Variants in PLXNA4 observed in about 807,000 individuals in gnomAD.
PLXNA4 encodes the protein plexin-A4.
PLXNA4 carries 44 observed loss-of-function variants against 191.8 expected under a neutral mutation model. The ratio of observed to expected loss-of-function variants is 0.23; its 90% CI spans 0.18 to 0.29. PLXNA4 has a LOEUF of 0.29. PLXNA4 is among the 10% of genes least tolerant of loss of function. The pLI is 1.00. For synonymous variants in PLXNA4, 1,082 were observed against 1,009.5 expected (o/e 1.07, Z -1.36); for missense variants, 1,800 against 2,488.8 (o/e 0.72, Z 5.89).
intron 3 of PLXNA4, among the ~76,000 whole-genome samples, chr7:132,317,801 G>A (rs1802005393): frequency 6.6e-6 from 1 of 152,196 alleles, no homozygotes; most frequent in Non-Finnish European, 1.5e-5. Flanking sequence ...AACACCAGTT[G>A]TAGGGAGCCT....
chr7:132,145,187 G>T lies in PLXNA4; in HGVS notation c.5157C>A (p.Phe1719Leu). 1.9e-6 allele frequency: 3 copies of T among 1,614,216 alleles called. No individual in the cohort carries two copies. The highest frequency in any genetic ancestry group is 1.7e-6 in the Non-Finnish European group (2 of 1,180,048). ...LPLAIKYMFD[F>L]LDEQADKHGI... ...CATGTTTATCAGCCTGCTCATCCAG[G>T]AAGTCAAACATGTACTTGATGGCCA... Residue 1719 changes from phenylalanine (F) to leucine (L), a missense_variant, in exon 29 of 32, where the codon TTC (phenylalanine) becomes TTA (leucine). By Grantham distance (22) the Phe-to-Leu change is conservative (BLOSUM62 0). Around this residue, in one of 6 missense-constraint regions of PLXNA4, gnomAD observed 101 missense variants for 182.8 expected, o/e 0.55. Transcript: ENST00000321063.
At chr7:132,417,056 C>T (rs1218223893) in intron 3 of PLXNA4, among the ~76,000 whole-genome samples, 2 of 152,178 alleles carry the variant, frequency 1.3e-5, no homozygotes, top group Admixed American at 6.5e-5. Context: ...TGCTGAATGC[C>T]TTCTTGTCTG....
At chr7:132,217,527 G>C (rs1477368793) in intron 9 of PLXNA4, among the ~76,000 whole-genome samples, 7 of 152,088 alleles carry the variant, frequency 4.6e-5, no homozygotes, top group Non-Finnish European at 1.0e-4. Flanking sequence ...TGATTTGCAG[G>C]TCACCTCTCC....
intron 3 of PLXNA4, among the ~76,000 whole-genome samples, chr7:132,381,618 G>A (rs1041994003): frequency 6.6e-6 from 1 of 152,184 alleles, no homozygotes; most frequent in African/African-American, 2.4e-5. Context: ...CATCTGGCAT[G>A]GATATTAATA....
intron 3 of PLXNA4, among the ~76,000 whole-genome samples, chr7:132,407,382 T>C (rs527480690): frequency 1.4e-4 from 22 of 152,312 alleles, no homozygotes; most frequent in African/African-American, 5.3e-4. Flanking sequence ...AAGTTTCTAG[T>C]GTGAGAAGTG....
intron 1 of PLXNA4, among the ~76,000 whole-genome samples, chr7:132,574,208 G>T (rs540887272): frequency 6.6e-6 from 1 of 152,326 alleles, no homozygotes; most frequent in African/African-American, 2.4e-5. Flanking sequence ...CATGAGAAAG[G>T]AAAGAGGGTA....
Position 132,187,554 on chromosome 7 carries a change from G to T in PLXNA4, c.2910C>A (p.Thr970=). ...KPSRGPMSGG[T]QVTITGTNLN... is the part of the protein sequence containing the mutation. ...GGTTGGTGCCTGTGATGGTCACTTG[G>T]GTCCCTCCGGACATGGGCCCCCGGC... Residue 970 remains threonine, a synonymous_variant, in exon 15 of 32, where the codon ACC becomes ACA. Coordinates refer to ENST00000321063, the MANE Select transcript of PLXNA4 (RefSeq NM_020911.2). 6.2e-7 allele frequency: 1 copy of T among 1,613,994 alleles called. No individual in the cohort carries two copies. The highest frequency in any genetic ancestry group is 8.5e-7 in the Non-Finnish European group (1 of 1,179,950).
At chr7:132,490,306 T>C (rs981542222) in intron 2 of PLXNA4, among the ~76,000 whole-genome samples, 3 of 152,152 alleles carry the variant, frequency 2.0e-5, no homozygotes, top group African/African-American at 7.2e-5. Flanking sequence ...TTTAACACCA[T>C]CTAAGAGATT....
chr7:132,222,976 G>C (rs564631498), intron 9 of PLXNA4, among the ~76,000 whole-genome samples: 1 of 152,220 alleles, frequency 6.6e-6, no homozygotes, highest in Non-Finnish European at 1.5e-5. Context: ...GCCTAGGGTG[G>C]AACAGAAGAC....
intron 3 of PLXNA4, among the ~76,000 whole-genome samples, chr7:132,440,724 A>G (rs947024797): frequency 1.3e-5 from 2 of 152,202 alleles, no homozygotes; most frequent in African/African-American, 2.4e-5. Context: ...TTATTTGTGA[A>G]AAGAGTCAAC....
In PLXNA4 at chr7:132,573,499, G is replaced by T. The variant is rs116697731; in HGVS notation, c.-87+2923C>A. 2.6e-5 allele frequency among the ~76,000 whole-genome samples: 4 copies of T among 152,234 alleles called. No individual in the cohort carries two copies. In the East Asian group the frequency reaches 7.7e-4, roughly 29 times the overall value. ...AGCCCCTTTAGCTCTCTCCCACTTC[G>T]GGACTGCTGCCATCCTAGAAAGCCC... On this transcript the variant is annotated intron_variant, in intron 1 of 31. Coordinates refer to ENST00000321063, the MANE Select transcript of PLXNA4 (RefSeq NM_020911.2).
At chr7:132,168,237 C>T (rs1358547585) in intron 22 of PLXNA4, 67 bp downstream of exon 22, 10 of 1,451,126 alleles carry the variant, frequency 6.9e-6, no homozygotes, top group Non-Finnish European at 9.1e-6. Flanking sequence ...CCCGAGTCTC[C>T]CTGCAAGGCA....
intron 2 of PLXNA4, among the ~76,000 whole-genome samples, chr7:132,617,373 G>A (rs761799598): frequency 3.9e-5 from 6 of 152,144 alleles, no homozygotes; most frequent in Non-Finnish European, 8.8e-5. Flanking sequence ...TCCAGGAACT[G>A]ATGGGTGCTT....
chr7:132,132,442 GTT>G (rs1563048168), intron 31 of PLXNA4, among the ~76,000 whole-genome samples: 1,388 of 61,636 alleles, frequency 0.023, 47 homozygotes, highest in East Asian at 0.043. Flanking sequence ...GTTCTGTTCT[GTT>G]CTGTTCTGTT....
intron 2 of PLXNA4, among the ~76,000 whole-genome samples, chr7:132,499,250 C>G (rs1249612137): frequency 6.6e-6 from 1 of 152,260 alleles, no homozygotes; most frequent in Non-Finnish European, 1.5e-5. Flanking sequence ...TCGTGTTCCT[C>G]CCTCTGAGAA....
At chr7:132,226,084 A>T (rs1798313012) in intron 8 of PLXNA4, 77 bp downstream of exon 8, 16 of 1,340,450 alleles carry the variant, frequency 1.2e-5, no homozygotes, top group Non-Finnish European at 1.7e-5. Context: ...CTCCCTGGGA[A>T]TAGTGATGGG....
At chr7:132,229,832 C>T (rs963320072) in intron 5 of PLXNA4, among the ~76,000 whole-genome samples, 1 of 151,972 alleles carries the variant, frequency 6.6e-6, no homozygotes, top group Non-Finnish European at 1.5e-5. Context: ...AAGGGGGTAC[C>T]TGGACACCCT....
At chr7:132,409,918 G>C (rs1478547409) in intron 3 of PLXNA4, among the ~76,000 whole-genome samples, 1 of 152,190 alleles carries the variant, frequency 6.6e-6, no homozygotes, top group African/African-American at 2.4e-5. Context: ...CCCGGCAGGG[G>C]GCCCCCAGAC....
At chr7:132,434,389 G>T (rs1257687672) in intron 3 of PLXNA4, among the ~76,000 whole-genome samples, 2 of 152,198 alleles carry the variant, frequency 1.3e-5, no homozygotes, top group Admixed American at 6.5e-5. Flanking sequence ...CAGGGTGGGA[G>T]GCAAGGAGGG....
Sources: allele counts gnomAD v4.1 joint callset (sites outside exome capture counted in the v4.1 genomes callset), GRCh38; gene constraint gnomAD v4.1.1; regional missense constraint gnomAD v4.1.1; transcripts MANE v1.5; gene names NCBI Gene and HGNC (gene_info 2026-07-23, HGNC 2026-07-21).